Variants in PDE4D observed in about 807,000 individuals in gnomAD.
PDE4D encodes the protein phosphodiesterase 4D.
PDE4D carries 24 observed loss-of-function variants against 87.4 expected under a neutral mutation model. That is an observed-to-expected ratio of 0.27 (90% CI 0.20 to 0.39). The LOEUF (loss-of-function observed/expected upper bound fraction) is 0.39, where lower values mean the gene tolerates loss of function less well. Ranked by LOEUF, PDE4D falls within the 10% of genes least tolerant of loss-of-function variation. PDE4D has a pLI of 1.00. For synonymous variants in PDE4D, 384 were observed against 383.2 expected (o/e 1.00, Z -0.02); for missense variants, 714 against 1,041.0 (o/e 0.69, Z 4.32).
intron 2 of PDE4D, among the ~76,000 whole-genome samples, chr5:60,122,005 A>G (rs138721986): frequency 6.6e-6 from 1 of 152,286 alleles, no homozygotes; most frequent in African/African-American, 2.4e-5. Context: ...TGCAAGCTCA[A>G]AATCCAGCAG....
At chr5:59,496,581 C>G (rs1562285450) in intron 1 of PDE4D, among the ~76,000 whole-genome samples, 1 of 152,096 alleles carries the variant, frequency 6.6e-6, no homozygotes, top group African/African-American at 2.4e-5. Flanking sequence ...GGGAAGGGAC[C>G]CACTCCCCTA....
intron 3 of PDE4D, among the ~76,000 whole-genome samples, chr5:59,929,975 C>G (rs1755710897): frequency 6.6e-6 from 1 of 152,008 alleles, no homozygotes; most frequent in Non-Finnish European, 1.5e-5. Flanking sequence ...CATCTCTGAC[C>G]AAAGTATAGT....
chr5:60,241,752 CA>C (rs1747155844), intron 1 of PDE4D, among the ~76,000 whole-genome samples: 1 of 151,940 alleles, frequency 6.6e-6, no homozygotes, highest in Admixed American at 6.6e-5. Flanking sequence ...TCAAAGGGAT[CA>C]TAACAAAGAA....
At chr5:60,086,683 T>C (rs972298943) in intron 2 of PDE4D, among the ~76,000 whole-genome samples, 2 of 152,194 alleles carry the variant, frequency 1.3e-5, no homozygotes, top group Non-Finnish European at 2.9e-5. Flanking sequence ...AAACACATGG[T>C]TGACAACTCA....
intron 2 of PDE4D, among the ~76,000 whole-genome samples, chr5:60,106,322 T>C (rs559322357): frequency 6.6e-6 from 1 of 151,956 alleles, no homozygotes; most frequent in African/African-American, 2.4e-5. Flanking sequence ...ACTAAATATA[T>C]ATGCACCCAA....
chr5:60,114,527 G>A (rs1201529486), intron 2 of PDE4D, among the ~76,000 whole-genome samples: 1 of 152,072 alleles, frequency 6.6e-6, no homozygotes, highest in South Asian at 2.1e-4. Context: ...AGAGCTGGAG[G>A]TCAAGACATT....
chr5:60,064,183 T>A (rs1301888716), intron 2 of PDE4D, among the ~76,000 whole-genome samples: 1 of 152,118 alleles, frequency 6.6e-6, no homozygotes, highest in Non-Finnish European at 1.5e-5. Flanking sequence ...TTTTTAAAAG[T>A]TTTTATCCAT....
At chr5:59,479,542 A>T (rs978244956) in intron 1 of PDE4D, among the ~76,000 whole-genome samples, 1 of 152,128 alleles carries the variant, frequency 6.6e-6, no homozygotes, top group African/African-American at 2.4e-5. Flanking sequence ...TATTTCAAAC[A>T]GAGCTCATGA....
chr5:59,968,590 A>G (rs1354065808), intron 3 of PDE4D, among the ~76,000 whole-genome samples: 1 of 152,220 alleles, frequency 6.6e-6, no homozygotes, highest in African/African-American at 2.4e-5. Flanking sequence ...ATAAAAAAAT[A>G]TATAAAGCTA....
At chr5:59,135,249 T>C (rs1185985390) in intron 5 of PDE4D, among the ~76,000 whole-genome samples, 1 of 152,220 alleles carries the variant, frequency 6.6e-6, no homozygotes, top group African/African-American at 2.4e-5. Context: ...TGTTGCTTTT[T>C]GGTTCATTTT....
chr5:59,285,603 G>A lies in PDE4D; in HGVS notation c.456-69635C>T, dbSNP rs112125916. Among the ~76,000 whole-genome samples, 200 of 152,160 alleles carry A rather than the reference G, an allele frequency of 1.3e-3. 1 individual carries two copies. Among genetic ancestry groups the A allele is most frequent in the African/African-American group, 4.6e-3 (191 of 41,526 alleles). Reference sequence around the variant, plus strand: ...AGTCTTATGCAGGCACTGAACCAACGCCAGCATCATTGATAAGAAGCGAAA... The same window carrying A: ...AGTCTTATGCAGGCACTGAACCAACACCAGCATCATTGATAAGAAGCGAAA... On this transcript the variant is annotated intron_variant, in intron 1 of 14. Coordinates refer to ENST00000340635, the MANE Select transcript of PDE4D (RefSeq NM_001104631.2).
chr5:59,797,152 A>G (rs533830561), intron 1 of PDE4D: 1 of 151,424 alleles, frequency 6.6e-6, no homozygotes, highest in Non-Finnish European at 1.5e-5. Context: ...AAAAAAAAAA[A>G]GTCAACCAAG....
At chr5:59,019,088 C>T (rs1357820478) in intron 6 of PDE4D, among the ~76,000 whole-genome samples, 1 of 152,060 alleles carries the variant, frequency 6.6e-6, no homozygotes, top group Admixed American at 6.6e-5. Context: ...ACCCAACTGG[C>T]TTCTCTTCAT....
intron 2 of PDE4D, among the ~76,000 whole-genome samples, chr5:59,214,601 C>T (rs1025999881): frequency 6.6e-6 from 1 of 152,058 alleles, no homozygotes; most frequent in Non-Finnish European, 1.5e-5. Flanking sequence ...GCTTTAAATA[C>T]ACCATATTTG....
At chr5:59,232,446 T>A (rs1407776336) in intron 1 of PDE4D, among the ~76,000 whole-genome samples, 1 of 149,934 alleles carries the variant, frequency 6.7e-6, no homozygotes, top group African/African-American at 2.5e-5. Flanking sequence ...TTACTAATCA[T>A]CAGGGAACTA....
intron 1 of PDE4D, among the ~76,000 whole-genome samples, chr5:59,268,299 A>G (rs767978956): frequency 6.6e-6 from 1 of 152,088 alleles, no homozygotes; most frequent in Non-Finnish European, 1.5e-5. Context: ...CTGCATCCAT[A>G]GGTTCTGGCA....
chr5:60,341,130 G>GTT (rs112802232), intron 1 of PDE4D, among the ~76,000 whole-genome samples: 13 of 151,880 alleles, frequency 8.6e-5, no homozygotes, highest in African/African-American at 2.4e-4. Flanking sequence ...AAAAATGTTT[G>GTT]GTTTTTTTTT....
At chr5:59,795,803 C>T (rs1210964551) in intron 1 of PDE4D, among the ~76,000 whole-genome samples, 1 of 152,050 alleles carries the variant, frequency 6.6e-6, no homozygotes, top group Non-Finnish European at 1.5e-5. Flanking sequence ...AGGGACTTTG[C>T]TTGGAAATAG....
chr5:59,936,092 T>C (rs914055540), intron 3 of PDE4D, among the ~76,000 whole-genome samples: 1 of 152,156 alleles, frequency 6.6e-6, no homozygotes, highest in Non-Finnish European at 1.5e-5. Flanking sequence ...ACCATCATTC[T>C]CAGCAAACTA....
Sources: allele counts gnomAD v4.1 joint callset (sites outside exome capture counted in the v4.1 genomes callset), GRCh38; gene constraint gnomAD v4.1.1; transcripts MANE v1.5; gene names NCBI Gene and HGNC (gene_info 2026-07-23, HGNC 2026-07-21).